The following SYT9 variants were observed in gnomAD, a reference collection of about 807,000 sequenced individuals.
SYT9 encodes the protein synaptotagmin-9.
A neutral mutation model predicts 48.4 loss-of-function variants in SYT9; 22 were observed. That is an observed-to-expected ratio of 0.45 (90% CI 0.32 to 0.65). The LOEUF (loss-of-function observed/expected upper bound fraction) is 0.65. Ranked by LOEUF, SYT9 falls within the 30% of genes least tolerant of loss-of-function variation. SYT9 has a pLI of 0.03. For missense variants in SYT9, 577 were observed against 622.0 expected (o/e 0.93, Z 0.77); for synonymous variants, 265 against 245.0 (o/e 1.08, Z -0.76).
chr11:7,303,819 C>A lies in SYT9; in HGVS notation c.497+429C>A, dbSNP rs933917945. ...CTGAGCTCTTAACCACCCTTCCCTG[C>A]TGCCCTCCTACTGCTTTAGAATTTA... is the stretch of plus-strand genomic sequence containing the variant. On this transcript the variant is annotated intron_variant, in intron 2 of 6. Coordinates refer to ENST00000318881, the MANE Select transcript of SYT9 (RefSeq NM_175733.4). 2.6e-5 allele frequency among the ~76,000 whole-genome samples: 4 copies of A among 152,186 alleles called. No individual in the cohort carries two copies. In the East Asian group the frequency reaches 7.7e-4, roughly 29 times the overall value.
chr11:7,318,123 T>G (rs916787275), intron 3 of SYT9, among the ~76,000 whole-genome samples: 1 of 152,224 alleles, frequency 6.6e-6, no homozygotes, highest in East Asian at 1.9e-4. Context: ...TTCTTTAAAG[T>G]TTTTTATTCA....
chr11:7,243,496 A>C (rs1308310170), intron 1 of SYT9, among the ~76,000 whole-genome samples: 3 of 151,814 alleles, frequency 2.0e-5, no homozygotes, highest in Admixed American at 6.6e-5. Context: ...TCCCCTTCTT[A>C]CTTCCTTCCT....
upstream of SYT9, among the ~76,000 whole-genome samples, chr11:7,249,966 CCT>C (rs1491016114): frequency 6.6e-6 from 1 of 152,176 alleles, no homozygotes; most frequent in Non-Finnish European, 1.5e-5. Context: ...CTATGACTCC[CCT>C]CTGTACAATC....
Position 7,352,158 on chromosome 11 carries a change from G to C in SYT9, c.1044+38217G>C, listed in dbSNP as rs552893708. 3.9e-5 allele frequency among the ~76,000 whole-genome samples: 6 copies of C among 152,312 alleles called. No individual in the cohort carries two copies. The South Asian group carries it at 1.2e-3, about 32-fold the overall frequency. ...GTGAAGTGCTGTGAGAATTTACCCA[G>C]TGTAGCTCAATCTGCCTCAGACTGA... On this transcript the variant is annotated intron_variant, in intron 3 of 6. Coordinates refer to ENST00000318881, the MANE Select transcript of SYT9 (RefSeq NM_175733.4).
At chr11:7,374,752 C>A (rs1033869758) in intron 3 of SYT9, among the ~76,000 whole-genome samples, 9 of 152,170 alleles carry the variant, frequency 5.9e-5, no homozygotes, top group African/African-American at 1.7e-4. Flanking sequence ...CCTTCACCCA[C>A]TTTTCGATGG....
intron 3 of SYT9, among the ~76,000 whole-genome samples, chr11:7,396,227 T>C (rs1171315409): frequency 6.6e-6 from 1 of 152,138 alleles, no homozygotes; most frequent in Non-Finnish European, 1.5e-5. Context: ...AATCAATCTT[T>C]TCCTCCTACT....
intron 3 of SYT9, among the ~76,000 whole-genome samples, chr11:7,395,904 G>T (rs2346829): frequency 0.34 from 51,847 of 151,762 alleles, 9,647 homozygotes; most frequent in Non-Finnish European, 0.42. Flanking sequence ...TTTGTAGTCT[G>T]ATTGCATAGT....
chr11:7,366,004 C>G (rs1850234252), intron 3 of SYT9, among the ~76,000 whole-genome samples: 1 of 152,160 alleles, frequency 6.6e-6, no homozygotes, highest in Admixed American at 6.5e-5. Flanking sequence ...GAAGAAAGTC[C>G]TACTTGCTTT....
chr11:7,429,440 A>G (rs1847525089), intron 6 of SYT9, among the ~76,000 whole-genome samples: 1 of 152,222 alleles, frequency 6.6e-6, no homozygotes, highest in Non-Finnish European at 1.5e-5. Flanking sequence ...AAGCCCATAG[A>G]TACAAAGAAA....
At chr11:7,460,994 C>T (rs1169522194) in intron 6 of SYT9, among the ~76,000 whole-genome samples, 2 of 152,022 alleles carry the variant, frequency 1.3e-5, no homozygotes, top group Admixed American at 6.6e-5. Flanking sequence ...TTGGTTGCCT[C>T]ACAGGGGAAT....
intron 3 of SYT9, among the ~76,000 whole-genome samples, chr11:7,323,492 A>G (rs1377989392): frequency 1.3e-5 from 2 of 151,962 alleles, no homozygotes; most frequent in African/African-American, 4.8e-5. Context: ...ATTTATTACA[A>G]TCACCAATAC....
At chr11:7,283,568 A>G (rs1848542273) in intron 1 of SYT9, among the ~76,000 whole-genome samples, 1 of 152,220 alleles carries the variant, frequency 6.6e-6, no homozygotes, top group Middle Eastern at 3.2e-3. Context: ...TGTTTTCAGT[A>G]AAAATAAAAT....
chr11:7,404,720 T>C (rs1170454406), intron 3 of SYT9, among the ~76,000 whole-genome samples: 1 of 152,122 alleles, frequency 6.6e-6, no homozygotes. Flanking sequence ...CAAACAACAG[T>C]GGACAAGGGC....
intron 6 of SYT9, among the ~76,000 whole-genome samples, chr11:7,443,972 C>G (rs56395329): frequency 0.024 from 3,627 of 152,294 alleles, 83 homozygotes; most frequent in South Asian, 0.084. Context: ...ATTCCAGTTA[C>G]TATAGAAGTA....
chr11:7,354,243 C>T (rs528876401), intron 3 of SYT9, among the ~76,000 whole-genome samples: 40 of 152,336 alleles, frequency 2.6e-4, no homozygotes, highest in Non-Finnish European at 5.7e-4. Flanking sequence ...TGTCTCCTTT[C>T]TGGTCCATCA....
rs941634562 is a variant in SYT9, at chr11:7,290,435, A to G, written c.146-12604A>G. Among the ~76,000 whole-genome samples, 3 of 152,172 alleles carry G rather than the reference A, an allele frequency of 2.0e-5. No homozygotes were observed. In the East Asian group the frequency reaches 5.8e-4, roughly 29 times the overall value. ...TAATTTAATACATGATGCTTGTCCC[A>G]GAACCAATGCTCCTTCTACTATACT... is the stretch of plus-strand genomic sequence containing the variant. On this transcript the variant is annotated intron_variant, in intron 1 of 6. Transcript: ENST00000318881.
intron 6 of SYT9, among the ~76,000 whole-genome samples, chr11:7,456,535 A>G (rs2134154333): frequency 6.6e-6 from 1 of 152,282 alleles, no homozygotes; most frequent in South Asian, 2.1e-4. Context: ...GCCACCCTCC[A>G]TAAGTGGTAA....
chr11:7,428,774 G>C (rs1259976059), intron 6 of SYT9, among the ~76,000 whole-genome samples: 1 of 152,202 alleles, frequency 6.6e-6, no homozygotes, highest in Non-Finnish European at 1.5e-5. Context: ...TGACGAGGGA[G>C]ATGAAGTGGG....
chr11:7,365,641 T>C (rs927204586), intron 3 of SYT9, among the ~76,000 whole-genome samples: 1 of 152,224 alleles, frequency 6.6e-6, no homozygotes, highest in South Asian at 2.1e-4. Flanking sequence ...AATTAAACTT[T>C]CTTCTCAGAG....
Sources: gnomAD v4.1 joint callset for allele counts (sites outside exome capture counted in the v4.1 genomes callset) on GRCh38, gnomAD v4.1.1 for gene constraint, MANE v1.5 for transcripts, NCBI Gene and HGNC (gene_info 2026-07-23, HGNC 2026-07-21) for gene names.